TSEN54: variants seen among roughly 807,000 people sequenced by gnomAD.
The protein encoded by TSEN54 is tRNA-splicing endonuclease subunit Sen54.
A neutral mutation model predicts 61.9 loss-of-function variants in TSEN54; 55 were observed. That is an observed-to-expected ratio of 0.89 (90% CI 0.72 to 1.11). The LOEUF (loss-of-function observed/expected upper bound fraction) is 1.11. TSEN54 is among the 50% of genes most tolerant of loss of function. The pLI is 0.00. For synonymous variants in TSEN54, 304 were observed against 288.7 expected (o/e 1.05, Z -0.54); for missense variants, 760 against 687.7 (o/e 1.11, Z -1.18).
In TSEN54 at chr17:75,516,618, T is replaced by C; in HGVS notation, c.56+2T>C. 4 of 1,189,650 alleles carry C rather than the reference T, an allele frequency of 3.4e-6. No individual in the cohort carries two copies. The highest frequency in any genetic ancestry group is 4.2e-6 in the Non-Finnish European group (4 of 962,402). The allele number at this position is 1,189,650 out of a possible 1,614,324, so 73.7% of individuals were successfully genotyped here. A position where few individuals can be genotyped will look rare whatever the true frequency, so the allele number is the denominator to read the frequency against. On this transcript the variant is annotated splice_donor_variant, in intron 1 of 10. Coordinates refer to ENST00000333213, the MANE Select transcript of TSEN54 (RefSeq NM_207346.3). LOFTEE classifies it high-confidence loss of function. ...GGTTCCCGCGGGGCGCGTGCTCAGG[T>C]GCGGCGCGGCCCGGCCGGAGTGGGT...
rs200079036 is a variant in TSEN54, at chr17:75,517,672, C to T, written c.468+17C>T. On this transcript the variant is annotated intron_variant, in intron 5 of 10. Transcript: ENST00000333213. ...CAGTACCAGGTATCTGCCACCACCC[C>T]GCCTCCGGGAGCCACCCATCCACTG... 2.5e-3 allele frequency: 4,080 copies of T among 1,606,002 alleles called. 29 individuals carry two copies. Among genetic ancestry groups the T allele is most frequent in the South Asian group, 0.014 (1,228 of 90,918 alleles).
intron 10 of TSEN54, 140 bp from the exon 11 acceptor site, chr17:75,524,122 A>C: frequency 1.6e-6 from 2 of 1,259,350 alleles, no homozygotes; most frequent in East Asian, 2.3e-5. Context: ...GCTCTTCATC[A>C]GAGCCCTGTG....
At position 75,519,985 on chromosome 17, in the gene TSEN54, G is replaced by A. The variant is rs74342669; in HGVS notation, c.521+938G>A. On this transcript the variant is annotated intron_variant, in intron 6 of 10. Transcript: ENST00000333213. ...GATATTTATTATTTGCTGGGGGTCAGGCCCTGTACACATCGCTGAGAACAG... is the reference window on the plus strand; with the variant it reads ...GATATTTATTATTTGCTGGGGGTCAAGCCCTGTACACATCGCTGAGAACAG... 1.1e-4 allele frequency among the ~76,000 whole-genome samples: 16 copies of A among 152,340 alleles called. No individual in the cohort carries two copies. In the East Asian group the frequency reaches 2.9e-3, roughly 28 times the overall value.
chr17:75,521,580 T>A lies in TSEN54; in HGVS notation c.623+70T>A. On this transcript the variant is annotated intron_variant, in intron 7 of 10. Transcript: ENST00000333213. ...GGGACCTTGGAAAATGCACAGGCTTTCTAAGAACCAGCAGCTCCCATGCAG... is the reference window on the plus strand; with the variant it reads ...GGGACCTTGGAAAATGCACAGGCTTACTAAGAACCAGCAGCTCCCATGCAG... 5 of 1,585,288 alleles carry A rather than the reference T, an allele frequency of 3.2e-6. No homozygotes were observed. The South Asian group carries it at 4.4e-5, about 14-fold the overall frequency.
intron 6 of TSEN54, among the ~76,000 whole-genome samples, chr17:75,519,563 ATCTTT>A (rs1354248427): frequency 2.6e-5 from 4 of 152,104 alleles, no homozygotes; most frequent in Non-Finnish European, 4.4e-5. Context: ...AAGCAGGCAC[ATCTTT>A]TCTTTTCTTT....
rs763837662 is a variant in TSEN54, at chr17:75,521,461, C to T, written c.574C>T (p.His192Tyr). ...RQLNLDASVQ[H>Y]LEDGDGKRKR... The stretch of plus-strand genomic sequence containing the variant: ...GCTTAACCTGGATGCCAGCGTGCAG[C>T]ACTTGGAGGATGGAGATGGCAAGAG... The change falls in exon 7 of 11, where the codon CAC becomes TAC. Residue 192 changes from histidine to tyrosine, a missense_variant. Physicochemically the swap from His to Tyr is moderately conservative, Grantham distance 83. Around this residue, in one of 3 missense-constraint regions of TSEN54, gnomAD observed 667 missense variants for 577.8 expected, o/e 1.15. Transcript: ENST00000333213. 5 of 1,614,002 alleles carry T rather than the reference C, an allele frequency of 3.1e-6. No individual in the cohort carries two copies. Among genetic ancestry groups the T allele is most frequent in the Non-Finnish European group, 3.4e-6 (4 of 1,180,038 alleles).
At chr17:75,518,563 T>C (rs62088465) in intron 5 of TSEN54, 1 of 985,300 alleles carries the variant, frequency 1.0e-6, no homozygotes, top group East Asian at 1.1e-4. Flanking sequence ...GGACACAAGG[T>C]TGAATATGTG....
rs1290172987 is a variant in TSEN54 at position 75,521,753 on chromosome 17, G to C, written c.672G>C (p.Lys224Asn). 21 of 1,612,958 alleles carry C rather than the reference G, an allele frequency of 1.3e-5. No individual in the cohort carries two copies. Among genetic ancestry groups the C allele is most frequent in the Non-Finnish European group, 1.8e-5 (21 of 1,179,982 alleles). ...AKALDNSLQPKSLAASSPPPC... is the reference protein window; with the variant it reads ...AKALDNSLQPNSLAASSPPPC... ...CCCTGGACAACTCCCTGCAACCCAA[G>C]AGTCTGGCAGCCTCCAGCCCACCTC... Residue 224 changes from lysine to asparagine, a missense_variant, in exon 8 of 11, where the codon AAG becomes AAC. Physicochemically the swap from Lys to Asn is moderately conservative, Grantham distance 94. Around this residue, in one of 3 missense-constraint regions of TSEN54, gnomAD observed 667 missense variants for 577.8 expected, o/e 1.15. Coordinates refer to ENST00000333213, the MANE Select transcript of TSEN54 (RefSeq NM_207346.3).
rs72851942 is a variant in TSEN54 at position 75,517,913 on chromosome 17, C to T, written c.468+258C>T. Among the ~76,000 whole-genome samples, 14,110 of 151,934 alleles carry T rather than the reference C, an allele frequency of 0.093. 688 individuals carry two copies. Among genetic ancestry groups the T allele is most frequent in the African/African-American group, 0.11 (4,436 of 41,382 alleles). On this transcript the variant is annotated intron_variant, in intron 5 of 10. Coordinates refer to ENST00000333213, the MANE Select transcript of TSEN54 (RefSeq NM_207346.3). ...CAGGTGAGAGAAGCTAGGGGCTTGT[C>T]GCAGGTTGGGGGTGGGTAGAGTTGC...
At position 75,524,362 on chromosome 17, in the gene TSEN54, T is replaced by C. The variant is rs1325788692; in HGVS notation, c.1531T>C (p.Ser511Pro). The C allele has an allele frequency of 5.0e-6, 8 of 1,614,180 alleles. No homozygotes were observed. The highest frequency in any genetic ancestry group is 6.8e-6 in the Non-Finnish European group (8 of 1,180,024). Reference sequence around the variant, plus strand: ...TGCCCTGGTGGATCATGGTGACATCTCCTTCTACAGCTTCAGGGACTTCAC... The same window carrying C: ...TGCCCTGGTGGATCATGGTGACATCCCCTTCTACAGCTTCAGGGACTTCAC... ...IFALVDHGDI[S>P]FYSFRDFTLP... is the part of the protein sequence containing the mutation. The change falls in exon 11 of 11, where the codon TCC becomes CCC. Residue 511 changes from serine to proline, a missense_variant. By Grantham distance (74) the Ser-to-Pro change is moderately conservative. Around this residue, in one of 3 missense-constraint regions of TSEN54, gnomAD observed 83 missense variants for 82.9 expected, o/e 1.00. Coordinates refer to ENST00000333213, the MANE Select transcript of TSEN54 (RefSeq NM_207346.3).
In TSEN54 at chr17:75,518,528, C is replaced by T. The variant is rs1309484011; in HGVS notation, c.469-467C>T. 7.1e-6 allele frequency: 7 copies of T among 985,266 alleles called. No individual in the cohort carries two copies. In the East Asian group the frequency reaches 5.7e-4, roughly 80 times the overall value. The allele number at this position is 985,266 out of a possible 1,614,324, so 61.0% of individuals were successfully genotyped here. A position where few individuals can be genotyped will look rare whatever the true frequency, so the allele number is the denominator to read the frequency against. ...CAAGCAGGATGGGGGACATTCTTAT[C>T]TATGTTCCTCTGATATGAATGCAGG... is the stretch of plus-strand genomic sequence containing the variant. On this transcript the variant is annotated intron_variant, in intron 5 of 10. Coordinates refer to ENST00000333213, the MANE Select transcript of TSEN54 (RefSeq NM_207346.3).
At position 75,523,297 on chromosome 17, in the gene TSEN54, T is replaced by G. The variant is rs374887965; in HGVS notation, c.1275T>G (p.Ser425=). The change falls in exon 9 of 11, where the codon TCT becomes TCG. Residue 425 remains serine, a synonymous_variant. Coordinates refer to ENST00000333213, the MANE Select transcript of TSEN54 (RefSeq NM_207346.3). ...SSPAVVLQHI[S]VLQTTHLPDG... is the part of the protein sequence containing the mutation. Reference sequence around the variant, plus strand: ...TAGCCGTGGTCCTTCAGCATATCTCTGTGCTGCAGACAACACACCTTCCTG... The same window carrying G: ...TAGCCGTGGTCCTTCAGCATATCTCGGTGCTGCAGACAACACACCTTCCTG... 1 of 1,614,074 alleles carries G rather than the reference T, an allele frequency of 6.2e-7. No individual in the cohort carries two copies. Among genetic ancestry groups the G allele is most frequent in the South Asian group, 1.1e-5 (1 of 91,096 alleles).
At chr17:75,518,738 T>C in intron 5 of TSEN54, 1 of 985,458 alleles carries the variant, frequency 1.0e-6, no homozygotes, top group Non-Finnish European at 1.2e-6. Context: ...TCTGGTTTCA[T>C]GGCTATCAGT....
chr17:75,519,383 G>C (rs1275024654), intron 6 of TSEN54, among the ~76,000 whole-genome samples: 1 of 152,182 alleles, frequency 6.6e-6, no homozygotes, highest in African/African-American at 2.4e-5. Context: ...CTTAAATGAA[G>C]GACTGGGTGA....
In TSEN54 at chr17:75,524,226, A is replaced by G. The variant is rs746504780; in HGVS notation, c.1431-36A>G. 31 of 1,613,724 alleles carry G rather than the reference A, an allele frequency of 1.9e-5. No individual in the cohort carries two copies. In the East Asian group the frequency reaches 6.0e-4, roughly 31 times the overall value. ...GAGCCCTAGAGCTTAGGAGTGGGCT[A>G]TGGCTGGGTCTCACTCTAACCCTTT... is the stretch of plus-strand genomic sequence containing the variant. On this transcript the variant is annotated intron_variant, in intron 10 of 10. Coordinates refer to ENST00000333213, the MANE Select transcript of TSEN54 (RefSeq NM_207346.3).
intron 5 of TSEN54, chr17:75,518,386 C>A: frequency 3.2e-6 from 1 of 313,710 alleles, no homozygotes; most frequent in Non-Finnish European, 4.6e-6. Context: ...AGATAAGAAG[C>A]AGAAACAGAC....
intron 4 of TSEN54, 124 bp downstream of exon 4, chr17:75,517,368 G>T: frequency 1.6e-6 from 2 of 1,268,512 alleles, no homozygotes; most frequent in Non-Finnish European, 2.3e-6. Context: ...TCTAAAGCAG[G>T]AGGTGGTACG....
At position 75,522,139 on chromosome 17, in the gene TSEN54, G is replaced by GGGAGCACCACGCGGAGGCC. The variant is rs767505004; in HGVS notation, c.1060_1078dup (p.Ala360GlyfsTer81). ...AAGGAGAAGCTCTCCAGGCGGGAACGGGAGCACCACGCGGAGGCCGCGCAG... is the reference window on the plus strand; with the variant it reads ...AAGGAGAAGCTCTCCAGGCGGGAACGGGAGCACCACGCGGAGGCCGGAGCACCACGCGGAGGCCGCGCAG... On this transcript the variant is annotated frameshift_variant, in exon 8 of 11. Coordinates refer to ENST00000333213, the MANE Select transcript of TSEN54 (RefSeq NM_207346.3). LOFTEE classifies it high-confidence loss of function. The GGGAGCACCACGCGGAGGCC allele has an allele frequency of 1.3e-6, 2 of 1,564,640 alleles. No homozygotes were observed. Among genetic ancestry groups the GGGAGCACCACGCGGAGGCC allele is most frequent in the Admixed American group, 3.7e-5 (2 of 54,162 alleles).
chr17:75,516,686 G>T, intron 1 of TSEN54, 60 bp from the exon 2 acceptor site: 1 of 1,257,164 alleles, frequency 8.0e-7, no homozygotes, highest in South Asian at 2.2e-5. Context: ...ACCGGCGCCC[G>T]GGACCCGGCC....
Sources: gnomAD v4.1 joint callset for allele counts (sites outside exome capture counted in the v4.1 genomes callset) on GRCh38, gnomAD v4.1.1 for gene constraint, gnomAD v4.1.1 regional missense constraint, MANE v1.5 for transcripts, NCBI Gene and HGNC (gene_info 2026-07-23, HGNC 2026-07-21) for gene names.